KCNQ1OT1: variants seen among roughly 807,000 people sequenced by gnomAD.
The protein encoded by KCNQ1OT1 is KCNQ1 antisense RNA 2 (non-protein coding).
exon 1 of KCNQ1OT1, chr11:2,666,203 A>G (rs1399424227): frequency 1.0e-5 from 4 of 398,470 alleles, no homozygotes; most frequent in African/African-American, 8.2e-5. Flanking sequence ...CCCACTCTCC[A>G]GAGGGACACT....
At chr11:2,693,455 A>G in exon 1 of KCNQ1OT1, 1 of 398,648 alleles carries the variant, frequency 2.5e-6, no homozygotes, top group Non-Finnish European at 4.4e-6. Context: ...TCGAGTCCCC[A>G]TTCTCTAATG....
At chr11:2,692,186 G>C in exon 1 of KCNQ1OT1, 1 of 398,760 alleles carries the variant, frequency 2.5e-6, no homozygotes, top group East Asian at 3.6e-5. Flanking sequence ...CAAGTCAGAA[G>C]TTCTGGGGTC....
chr11:2,641,017 A>T (rs974959944), exon 1 of KCNQ1OT1: 2 of 398,430 alleles, frequency 5.0e-6, no homozygotes, highest in African/African-American at 4.1e-5. Context: ...TTGGTCAATT[A>T]GTATTCCATT....
exon 1 of KCNQ1OT1, chr11:2,648,988 T>TTTTTTTTTTTTTTTTTTC (rs1849713855): frequency 3.1e-6 from 1 of 322,162 alleles, no homozygotes; most frequent in African/African-American, 2.3e-5. Context: ...TTTCTTTTTT[T>TTTTTTTTTTTTTTTTTTC]TTTTTTTTTT....
Position 2,683,413 on chromosome 11 carries a change from C to A in KCNQ1OT1, n.16582G>T, listed in dbSNP as rs902322193. 5.0e-6 allele frequency: 2 copies of A among 398,524 alleles called. No individual in the cohort carries two copies. Among genetic ancestry groups the A allele is most frequent in the African/African-American group, 2.1e-5 (1 of 48,642 alleles). The allele number at this position is 398,524 out of a possible 1,614,324, so 24.7% of individuals were successfully genotyped here. ...CTGGGTGGTTTGTCCAATGGCTAAG[C>A]TTTCCCCAGGAATGGGTAACTGGAA... On this transcript the variant is annotated non_coding_transcript_exon_variant, in exon 1 of 1. Coordinates refer to ENST00000597346, the Ensembl canonical transcript of KCNQ1OT1. The surrounding 1 kb of genome is among the most constrained non-coding windows in gnomAD (Gnocchi z 4.7).
chr11:2,629,564 C>T (rs1393977871), exon 1 of KCNQ1OT1: 1 of 398,344 alleles, frequency 2.5e-6, no homozygotes, highest in African/African-American at 2.1e-5. Context: ...TCCAGTTTTC[C>T]TGGCACCATT....
At chr11:2,619,169 C>T (rs552507493) in exon 1 of KCNQ1OT1, 79 of 398,426 alleles carry the variant, frequency 2.0e-4, no homozygotes, top group African/African-American at 1.6e-3. Flanking sequence ...TCTTTCATTT[C>T]TTTTTCTTGT....
exon 1 of KCNQ1OT1, chr11:2,692,849 A>C: frequency 2.5e-6 from 1 of 398,610 alleles, no homozygotes; most frequent in Admixed American, 4.4e-5. Flanking sequence ...TGTTAGACAT[A>C]ATTCACTGCC....
chr11:2,657,388 A>G lies in KCNQ1OT1; in HGVS notation n.42607T>C, dbSNP rs2133850406. 1 of 398,576 alleles carries G rather than the reference A, an allele frequency of 2.5e-6. No individual in the cohort carries two copies. The highest frequency in any genetic ancestry group is 4.4e-6 in the Non-Finnish European group (1 of 226,046). The allele number at this position is 398,576 out of a possible 1,614,324, so 24.7% of individuals were successfully genotyped here. A position where few individuals can be genotyped will look rare whatever the true frequency, so the allele number is the denominator to read the frequency against. Reference sequence around the variant, plus strand: ...TATATCTTCTTCATTGTCTCTTACTAAAGTTTTACAATTTTCTCCAGAGTT... The same window carrying G: ...TATATCTTCTTCATTGTCTCTTACTGAAGTTTTACAATTTTCTCCAGAGTT... On this transcript the variant is annotated non_coding_transcript_exon_variant, in exon 1 of 1. Coordinates refer to ENST00000597346, the Ensembl canonical transcript of KCNQ1OT1. This position sits in a 1 kb window ranked among gnomAD's most constrained non-coding sequence, Gnocchi z 4.8.
exon 1 of KCNQ1OT1, chr11:2,610,929 ACT>A (rs1848971195): frequency 2.5e-6 from 1 of 397,534 alleles, no homozygotes; most frequent in Admixed American, 4.4e-5. Context: ...TCAATAACTC[ACT>A]CTGAATAATT....
exon 1 of KCNQ1OT1, chr11:2,635,698 G>GT (rs922889143): frequency 2.0e-5 from 3 of 152,218 alleles, no homozygotes; most frequent in African/African-American, 2.4e-5. Context: ...CTTTAAAGTA[G>GT]TTTTTTTCCA....
chr11:2,699,551 C>T (rs1026737265), exon 1 of KCNQ1OT1: 9 of 332,992 alleles, frequency 2.7e-5, no homozygotes, highest in Non-Finnish European at 4.6e-5. Context: ...GGGAGGACCG[C>T]GCGGAGGAGA....
Position 2,698,214 on chromosome 11 carries a change from T to C in KCNQ1OT1, n.1781A>G, listed in dbSNP as rs891164478. 12 of 398,524 alleles carry C rather than the reference T, an allele frequency of 3.0e-5. No individual in the cohort carries two copies. Among genetic ancestry groups the C allele is most frequent in the Middle Eastern group, 6.2e-4 (1 of 1,610 alleles). 24.7% of individuals were successfully genotyped at this position (398,524 alleles called of 1,614,324 possible). A position where few individuals can be genotyped will look rare whatever the true frequency, so the allele number is the denominator to read the frequency against. On this transcript the variant is annotated non_coding_transcript_exon_variant, in exon 1 of 1. Coordinates refer to ENST00000597346, the Ensembl canonical transcript of KCNQ1OT1. This position sits in a 1 kb window ranked among gnomAD's most constrained non-coding sequence, Gnocchi z 5.1. ...CCACAGTAAAGAAAGAACTGGTAAA[T>C]GCACATCAAATGTGGATATTATCAG...
Position 2,676,813 on chromosome 11 carries a change from GA to G in KCNQ1OT1, n.23181del. 1 of 398,588 alleles carries G rather than the reference GA, an allele frequency of 2.5e-6. No individual in the cohort carries two copies. Among genetic ancestry groups the G allele is most frequent in the East Asian group, 3.6e-5 (1 of 28,078 alleles). The allele number at this position is 398,588 out of a possible 1,614,324, so 24.7% of individuals were successfully genotyped here. ...AGTGATGGCCAGTGTATTGTGCTGG[GA>G]TCTACCACAGGGGTCATGTTGTAAT... On this transcript the variant is annotated non_coding_transcript_exon_variant, in exon 1 of 1. Transcript: ENST00000597346. The surrounding 1 kb of genome is among the most constrained non-coding windows in gnomAD (Gnocchi z 4.2).
exon 1 of KCNQ1OT1, chr11:2,643,036 A>G: frequency 5.0e-6 from 2 of 398,012 alleles, no homozygotes; most frequent in Non-Finnish European, 8.9e-6. Flanking sequence ...TATGAATCCA[A>G]TTTAAAATAT....
chr11:2,616,304 TA>T (rs1393641419), exon 1 of KCNQ1OT1: 1 of 397,830 alleles, frequency 2.5e-6, no homozygotes, highest in Non-Finnish European at 4.4e-6. Context: ...TCATTCTAGT[TA>T]AAGGTTTTCA....
exon 1 of KCNQ1OT1, chr11:2,619,693 A>AAGT: frequency 2.5e-6 from 1 of 395,730 alleles, no homozygotes; most frequent in East Asian, 3.6e-5. Flanking sequence ...ATGTGTTAGG[A>AAGT]AGTATTCCCT....
chr11:2,626,012 T>C lies in KCNQ1OT1; in HGVS notation n.73983A>G, dbSNP rs772205305. ...AGGTTGTCTTATTGCTTAGTTGATA[T>C]TATTTTAATGCACACAATGTAAATT... is the stretch of plus-strand genomic sequence containing the variant. On this transcript the variant is annotated non_coding_transcript_exon_variant, in exon 1 of 1. Coordinates refer to ENST00000597346, the Ensembl canonical transcript of KCNQ1OT1. The surrounding 1 kb of genome is among the most constrained non-coding windows in gnomAD (Gnocchi z 4.0). The C allele has an allele frequency of 5.0e-6, 2 of 398,548 alleles. No individual in the cohort carries two copies. The highest frequency in any genetic ancestry group is 8.8e-6 in the Non-Finnish European group (2 of 226,066). 24.7% of individuals were successfully genotyped at this position (398,548 alleles called of 1,614,324 possible).
Position 2,687,626 on chromosome 11 carries a change from C to T in KCNQ1OT1, n.12369G>A. 2.5e-6 allele frequency: 1 copy of T among 398,722 alleles called. No homozygotes were observed. Among genetic ancestry groups the T allele is most frequent in the Non-Finnish European group, 4.4e-6 (1 of 226,148 alleles). 24.7% of individuals were successfully genotyped at this position (398,722 alleles called of 1,614,324 possible). On this transcript the variant is annotated non_coding_transcript_exon_variant, in exon 1 of 1. Transcript: ENST00000597346. The surrounding 1 kb of genome is among the most constrained non-coding windows in gnomAD (Gnocchi z 5.0). ...GGGCAGAGATCCCTTCTCCATTCCTCTCAGGCCCCTGTAAAAATTGGGACC... is the reference window on the plus strand; with the variant it reads ...GGGCAGAGATCCCTTCTCCATTCCTTTCAGGCCCCTGTAAAAATTGGGACC...
Sources: gnomAD v4.1 joint callset for allele counts on GRCh38, gnomAD v4.1.1 for gene constraint, Gnocchi (gnomAD v3.1) non-coding constraint, MANE v1.5 for transcripts, NCBI Gene and HGNC (gene_info 2026-07-23, HGNC 2026-07-21) for gene names.